Variants in HMCN1 observed in about 807,000 individuals in gnomAD.
HMCN1 encodes hemicentin 1, also known as hemicentin-1.
A neutral mutation model predicts 625.9 loss-of-function variants in HMCN1; 321 were observed. The ratio of observed to expected loss-of-function variants is 0.51; its 90% CI spans 0.47 to 0.56. The LOEUF is 0.56. HMCN1 is among the 20% of genes least tolerant of loss of function. HMCN1 has a pLI of 0.00. For synonymous variants in HMCN1, 2,425 were observed against 2,417.6 expected, an observed-to-expected ratio of 1.00 and a Z score of -0.09; for missense variants, 6,588 against 6,887.3, an observed-to-expected ratio of 0.96 and a Z score of 1.54.
chr1:186,151,105 AT>A, intron 93 of HMCN1, 94 bp from the exon 94 acceptor site: 1 of 1,229,796 alleles, frequency 8.1e-7, no homozygotes. Context: ...TTGAGAAAAG[AT>A]TTGTAGCATC....
At chr1:185,843,679 A>G (rs1353958257) in intron 1 of HMCN1, among the ~76,000 whole-genome samples, 1 of 152,208 alleles carries the variant, frequency 6.6e-6, no homozygotes, top group African/African-American at 2.4e-5. Flanking sequence ...AATGAATTGG[A>G]AAAGATGCTT....
intron 1 of HMCN1, among the ~76,000 whole-genome samples, chr1:185,765,899 T>C (rs1321441245): frequency 6.6e-6 from 1 of 152,194 alleles, no homozygotes; most frequent in African/African-American, 2.4e-5. Context: ...GCCAGTCTCC[T>C]GCTGTTCTGG....
intron 33 of HMCN1, 109 bp from the exon 34 acceptor site, chr1:186,018,074 A>G (rs527765293): frequency 1.7e-5 from 17 of 986,940 alleles, no homozygotes; most frequent in Non-Finnish European, 2.6e-5. Context: ...TATTTTACAG[A>G]GTAAGCAACT....
intron 1 of HMCN1, among the ~76,000 whole-genome samples, chr1:185,792,928 A>G (rs1348465029): frequency 6.6e-6 from 1 of 152,246 alleles, no homozygotes; most frequent in East Asian, 1.9e-4. Context: ...GTGATTAATA[A>G]TGCAGTTTTA....
intron 11 of HMCN1, among the ~76,000 whole-genome samples, chr1:185,953,961 G>C (rs185271067): frequency 0.017 from 2,638 of 151,084 alleles, 42 homozygotes; most frequent in South Asian, 0.03. Flanking sequence ...GGGCAGGAGT[G>C]GGGGTCGCAA....
chr1:185,808,224 G>A (rs531980278), intron 1 of HMCN1, among the ~76,000 whole-genome samples: 1 of 152,208 alleles, frequency 6.6e-6, no homozygotes, highest in East Asian at 1.9e-4. Context: ...GTGTGCGCCT[G>A]TAATCCCAGC....
rs771657827 is a variant in HMCN1 at position 186,145,523 on chromosome 1, G to A, written c.14387G>A (p.Cys4796Tyr). 1.2e-6 allele frequency: 2 copies of A among 1,614,004 alleles called. No homozygotes were observed. Among genetic ancestry groups the A allele is most frequent in the Admixed American group, 1.7e-5 (1 of 59,998 alleles). ...NPPPSNGGRACGGPDSQIQRC... is the reference protein window; with the variant it reads ...NPPPSNGGRAYGGPDSQIQRC... ...CCTCCCTCCAATGGGGGAAGAGCTTGTGGGGGACCAGACTCCCAGATCCAG... is the reference window on the plus strand; with the variant it reads ...CCTCCCTCCAATGGGGGAAGAGCTTATGGGGGACCAGACTCCCAGATCCAG... The change falls in exon 92 of 107, where the codon TGT becomes TAT. Residue 4796 changes from cysteine to tyrosine, a missense_variant. By Grantham distance (194) the Cys-to-Tyr change is radical. Around this residue, in one of 3 missense-constraint regions of HMCN1, gnomAD observed 1,954 missense variants for 2,013.1 expected, o/e 0.97. Transcript: ENST00000271588.
intron 30 of HMCN1, 47 bp from the exon 31 acceptor site, chr1:186,015,112 G>T: frequency 6.6e-7 from 1 of 1,522,874 alleles, no homozygotes; most frequent in Non-Finnish European, 9.1e-7. Context: ...TTTTGATGAA[G>T]ATGCTGAAAC....
At chr1:186,102,042 G>A (rs779468914) in intron 68 of HMCN1, among the ~76,000 whole-genome samples, 1 of 152,084 alleles carries the variant, frequency 6.6e-6, no homozygotes, top group Admixed American at 6.6e-5. Context: ...GAGATTTGAA[G>A]TCTAGGTTAC....
intron 86 of HMCN1, among the ~76,000 whole-genome samples, chr1:186,134,467 A>G (rs180786401): frequency 6.6e-6 from 1 of 152,292 alleles, no homozygotes; most frequent in East Asian, 1.9e-4. Context: ...AGAGAAATAA[A>G]AGCACTGGCC....
chr1:186,132,048 C>T (rs1282150669), intron 85 of HMCN1, among the ~76,000 whole-genome samples: 2 of 151,822 alleles, frequency 1.3e-5, no homozygotes, highest in African/African-American at 2.4e-5. Flanking sequence ...GTAATTTTTG[C>T]TTTGGTTTCT....
Position 186,003,740 on chromosome 1 carries a change from C to G in HMCN1, c.4371C>G (p.Thr1457=). 1 of 1,613,110 alleles carries G rather than the reference C, an allele frequency of 6.2e-7. No homozygotes were observed. The highest frequency in any genetic ancestry group is 8.5e-7 in the Non-Finnish European group (1 of 1,179,282). Residue 1457 remains threonine, a synonymous_variant, in exon 29 of 107, where the codon ACC becomes ACG. Coordinates refer to ENST00000271588, the MANE Select transcript of HMCN1 (RefSeq NM_031935.3). ...AAGTTCCACCCACCATAATAGGTAC[C>G]AACTTCCCAAATGAAGTCTCAGTTG... ...DVLVPPTIIG[T]NFPNEVSVVL... is the part of the protein sequence containing the mutation.
At position 186,061,825 on chromosome 1, in the gene HMCN1, C is replaced by G. The variant is rs1657724057; in HGVS notation, c.7313-26C>G. 7.3e-6 allele frequency: 11 copies of G among 1,504,926 alleles called. No homozygotes were observed. The East Asian group carries it at 2.5e-4, about 34-fold the overall frequency. 93.2% of individuals were successfully genotyped at this position (1,504,926 alleles called of 1,614,324 possible). On this transcript the variant is annotated intron_variant, in intron 46 of 106. Coordinates refer to ENST00000271588, the MANE Select transcript of HMCN1 (RefSeq NM_031935.3). ...AGTTTCATTTTTCTTTTTAAGTTAT[C>G]TTAAAAAGATGGTTTGCTTCTGCAG...
intron 98 of HMCN1, among the ~76,000 whole-genome samples, chr1:186,165,843 A>T (rs1391628444): frequency 6.6e-6 from 1 of 152,252 alleles, no homozygotes; most frequent in Non-Finnish European, 1.5e-5. Context: ...TTGTCCTGCA[A>T]AATAAGGATA....
At chr1:185,966,322 T>C (rs981759931) in intron 14 of HMCN1, among the ~76,000 whole-genome samples, 1 of 152,182 alleles carries the variant, frequency 6.6e-6, no homozygotes, top group Non-Finnish European at 1.5e-5. Flanking sequence ...TATAAAGTGT[T>C]CAAATAAAGA....
intron 25 of HMCN1, among the ~76,000 whole-genome samples, chr1:185,999,611 TC>T (rs1653040475): frequency 6.6e-6 from 1 of 152,140 alleles, no homozygotes; most frequent in Non-Finnish European, 1.5e-5. Flanking sequence ...TGTCTCCATA[TC>T]ATATATACAC....
chr1:185,771,790 A>T (rs1361961075), intron 1 of HMCN1, among the ~76,000 whole-genome samples: 6 of 152,188 alleles, frequency 3.9e-5, no homozygotes, highest in Admixed American at 1.3e-4. Context: ...ATCTGTTGAT[A>T]CAGATAGAGG....
At chr1:185,888,713 C>A (rs1437519920) in intron 4 of HMCN1, among the ~76,000 whole-genome samples, 11 of 146,714 alleles carry the variant, frequency 7.5e-5, no homozygotes, top group Non-Finnish European at 1.5e-4. Context: ...TTACTGTAGC[C>A]TTGTAGTATA....
chr1:185,806,878 T>C (rs996330242), intron 1 of HMCN1, among the ~76,000 whole-genome samples: 1 of 152,168 alleles, frequency 6.6e-6, no homozygotes, highest in African/African-American at 2.4e-5. Context: ...GTTAAATTAG[T>C]CTTGTTATGA....
Sources: allele counts gnomAD v4.1 joint callset (sites outside exome capture counted in the v4.1 genomes callset), GRCh38; gene constraint gnomAD v4.1.1; regional missense constraint gnomAD v4.1.1; transcripts MANE v1.5; gene names NCBI Gene and HGNC (gene_info 2026-07-23, HGNC 2026-07-21).